TM4SF19: variants seen among roughly 807,000 people sequenced by gnomAD.
The protein encoded by TM4SF19 is transmembrane 4 L6 family member 19.
TM4SF19 carries 17 observed loss-of-function variants against 21.8 expected under a neutral mutation model. The ratio of observed to expected loss-of-function variants is 0.78; its 90% confidence interval spans 0.53 to 1.17. The LOEUF is 1.17. Among genes scored for constraint, TM4SF19 ranks in the 50% most tolerant of loss-of-function variants. The pLI is 0.00. For missense variants in TM4SF19, 216 were observed against 252.1 expected (o/e 0.86, Z 0.97); for synonymous variants, 107 against 106.7 (o/e 1.00, Z -0.02).
Position 196,323,879 on chromosome 3 carries a change from G to A in TM4SF19, c.568C>T (p.Leu190=). 1 of 1,614,150 alleles carries A rather than the reference G, an allele frequency of 6.2e-7. No homozygotes were observed. The highest frequency in any genetic ancestry group is 8.5e-7 in the Non-Finnish European group (1 of 1,180,038). The change falls in exon 5 of 5, where the codon CTG becomes TTG. Residue 190 remains leucine (L), a synonymous_variant. Coordinates refer to ENST00000273695, the MANE Select transcript of TM4SF19 (RefSeq NM_138461.4). ...CTGTTGATGACATGAACGACCACCAGGAGAAGCTGGAGCAGGCTGATGCAC... is the reference window on the plus strand; with the variant it reads ...CTGTTGATGACATGAACGACCACCAAGAGAAGCTGGAGCAGGCTGATGCAC... The part of the protein sequence containing the change: ...LLCISLLQLL[L]VVVHVINSLL...
chr3:196,324,276 A>G lies in TM4SF19; in HGVS notation c.444T>C (p.His148=), dbSNP rs769579874. The change falls in exon 4 of 5, where the codon CAT becomes CAC. Residue 148 remains histidine, a synonymous_variant. Transcript: ENST00000273695. ...CCAAGCCTCCACCCATTTACCTACT[A>G]TGCAGGTCTTTGAATGGGTAACCAT... ...WKYGYPFKDL[H]SRNYLYDRSL... The G allele has an allele frequency of 1.9e-6, 3 of 1,613,846 alleles. No homozygotes were observed. Among genetic ancestry groups the G allele is most frequent in the Non-Finnish European group, 2.5e-6 (3 of 1,179,800 alleles).
At chr3:196,328,027 C>A (rs1346184415) in intron 1 of TM4SF19, among the ~76,000 whole-genome samples, 3 of 152,214 alleles carry the variant, frequency 2.0e-5, no homozygotes, top group Non-Finnish European at 4.4e-5. Context: ...GTCGGCCAGG[C>A]ATGGTGGCTC....
intron 2 of TM4SF19, 108 bp downstream of exon 2, chr3:196,327,282 T>TA: frequency 1.8e-6 from 2 of 1,114,420 alleles, no homozygotes; most frequent in South Asian, 3.0e-5. Flanking sequence ...ATCAGCTTGT[T>TA]AGAATAAACT....
chr3:196,334,749 C>T (rs778359093), intron 1 of TM4SF19, among the ~76,000 whole-genome samples: 8 of 151,040 alleles, frequency 5.3e-5, no homozygotes, highest in Non-Finnish European at 1.2e-4. Context: ...CCACCAAACC[C>T]GGCCAGACTG....
In TM4SF19 at chr3:196,329,869, G is replaced by A. The variant is rs550014561; in HGVS notation, c.-1-2278C>T. Among the ~76,000 whole-genome samples the A allele has an allele frequency of 2.0e-4, 23 of 117,790 alleles. 4 individuals are homozygous for A. The highest frequency in any genetic ancestry group is 6.3e-4 in the African/African-American group (22 of 35,148). 77.3% of individuals were successfully genotyped at this position (117,790 alleles called of 152,430 possible). A position where few individuals can be genotyped will look rare whatever the true frequency, so the allele number is the denominator to read the frequency against. ...CAGAGGTTTTCAGGTTTTGTTTTGT[G>A]TTGTTTTGTTTTTTTTTTTTGAGAC... On this transcript the variant is annotated intron_variant, in intron 1 of 4. Transcript: ENST00000273695.
intron 1 of TM4SF19, among the ~76,000 whole-genome samples, chr3:196,336,450 A>C (rs1234536181): frequency 1.3e-5 from 2 of 152,184 alleles, no homozygotes; most frequent in African/African-American, 4.8e-5. Flanking sequence ...GAAAACTCTT[A>C]AAGGGGAAAC....
chr3:196,333,357 T>A (rs1392525770), intron 1 of TM4SF19, among the ~76,000 whole-genome samples: 1 of 152,186 alleles, frequency 6.6e-6, no homozygotes, highest in Non-Finnish European at 1.5e-5. Flanking sequence ...GTAATAAAGT[T>A]TAATTTATAA....
At chr3:196,337,490 G>C (rs1182421053) in intron 1 of TM4SF19, among the ~76,000 whole-genome samples, 1 of 152,152 alleles carries the variant, frequency 6.6e-6, no homozygotes, top group Non-Finnish European at 1.5e-5. Context: ...CAGCTTCCTG[G>C]TAAGAGCTCA....
chr3:196,333,048 A>T lies in TM4SF19; in HGVS notation c.-2+5216T>A, dbSNP rs180729178. ...AGTTCTATAGAGACAGGGTCTCACT[A>T]TGTTGCCCAAGCTGATCTCAAACTC... On this transcript the variant is annotated intron_variant, in intron 1 of 4. Transcript: ENST00000273695. 8.1e-4 allele frequency among the ~76,000 whole-genome samples: 124 copies of T among 152,166 alleles called. 1 individual carries two copies. Among genetic ancestry groups the T allele is most frequent in the African/African-American group, 2.9e-3 (119 of 41,528 alleles).
rs1278888060 is a variant in TM4SF19 at position 196,324,348 on chromosome 3, A to G, written c.372T>C (p.Phe124=). The G allele has an allele frequency of 6.2e-7, 1 of 1,614,212 alleles. No individual in the cohort carries two copies. ...TGAAGGATGAAACATCAAACATGCAAAAAGGACCATCTTTCAGAGCAACTC... is the reference window on the plus strand; with the variant it reads ...TGAAGGATGAAACATCAAACATGCAGAAAGGACCATCTTTCAGAGCAACTC... ...TSGVALKDGP[F]CMFDVSSFNQ... is the part of the protein sequence containing the mutation. The change falls in exon 4 of 5, where the codon TTT becomes TTC. Residue 124 remains phenylalanine (F), a synonymous_variant. Transcript: ENST00000273695.
Position 196,329,552 on chromosome 3 carries a change from CA to C in TM4SF19, c.-1-1962del, listed in dbSNP as rs1188981805. On this transcript the variant is annotated intron_variant, in intron 1 of 4. Coordinates refer to ENST00000273695, the MANE Select transcript of TM4SF19 (RefSeq NM_138461.4). The stretch of plus-strand genomic sequence containing the variant: ...TCAGCTGGGTGCTTGCCTATAATCC[CA>C]GCTACTCGGAGGTTGAGGCAGGAAA... 1.6e-5 allele frequency among the ~76,000 whole-genome samples: 2 copies of C among 123,276 alleles called. 1 individual carries two copies. Among genetic ancestry groups the C allele is most frequent in the African/African-American group, 5.4e-5 (2 of 36,882 alleles). 80.9% of individuals were successfully genotyped at this position (123,276 alleles called of 152,430 possible). A position where few individuals can be genotyped will look rare whatever the true frequency, so the allele number is the denominator to read the frequency against.
intron 1 of TM4SF19, among the ~76,000 whole-genome samples, chr3:196,334,373 T>A (rs1460924028): frequency 6.7e-6 from 1 of 149,978 alleles, no homozygotes; most frequent in Admixed American, 6.6e-5. Context: ...AGCTTTTCTT[T>A]TCTTTTTCTT....
Position 196,324,339 on chromosome 3 carries a change from A to G in TM4SF19, c.381T>C (p.Phe127=). 8 of 1,614,244 alleles carry G rather than the reference A, an allele frequency of 5.0e-6. No individual in the cohort carries two copies. Among genetic ancestry groups the G allele is most frequent in the Non-Finnish European group, 6.8e-6 (8 of 1,180,050 alleles). ...GTGTCTGATTGAAGGATGAAACATC[A>G]AACATGCAAAAAGGACCATCTTTCA... is the stretch of plus-strand genomic sequence containing the variant. ...VALKDGPFCM[F]DVSSFNQTQA... The change falls in exon 4 of 5, where the codon TTT becomes TTC. Residue 127 remains phenylalanine (F), a synonymous_variant. Transcript: ENST00000273695.
intron 2 of TM4SF19, 114 bp downstream of exon 2, chr3:196,327,276 G>C (rs957478791): frequency 9.4e-7 from 1 of 1,065,502 alleles, no homozygotes; most frequent in East Asian, 2.6e-5. Context: ...CCCAAGATCA[G>C]CTTGTTAGAA....
At chr3:196,338,093 G>A (rs987718673) in intron 1 of TM4SF19, among the ~76,000 whole-genome samples, 171 bp downstream of exon 1, 1 of 152,198 alleles carries the variant, frequency 6.6e-6, no homozygotes, top group Non-Finnish European at 1.5e-5. Context: ...TATTCTAGGT[G>A]CAAAGGCCAG....
rs913470613 is a variant in TM4SF19 at position 196,325,169 on chromosome 3, G to GTTCC, written c.280-733_280-730dup. On this transcript the variant is annotated intron_variant, in intron 3 of 4. Transcript: ENST00000273695. The surrounding 1 kb of genome is among the most constrained non-coding windows in gnomAD (Gnocchi z 4.3). The stretch of plus-strand genomic sequence containing the variant: ...CTGCTTCTACATTGGCTTCTTTCTC[G>GTTCC]TTCCTTCCTTCCTTCCCTTCCTTCC... 3.9e-5 allele frequency: 6 copies of GTTCC among 151,992 alleles called. No individual in the cohort carries two copies. Among genetic ancestry groups the GTTCC allele is most frequent in the African/African-American group, 1.4e-4 (6 of 41,406 alleles). 9.4% of individuals were successfully genotyped at this position (151,992 alleles called of 1,614,324 possible).
At chr3:196,324,572 C>A (rs1727210730) in intron 3 of TM4SF19, 132 bp from the exon 4 acceptor site, 1 of 816,388 alleles carries the variant, frequency 1.2e-6, no homozygotes, top group Non-Finnish European at 1.9e-6. Flanking sequence ...GGTCTGACTT[C>A]TCTGGTCTCA....
At chr3:196,331,396 G>A (rs1727500630) in intron 1 of TM4SF19, among the ~76,000 whole-genome samples, 1 of 151,508 alleles carries the variant, frequency 6.6e-6, no homozygotes, top group Non-Finnish European at 1.5e-5. Context: ...CCAGGAAGTG[G>A]CCTGTTCCCA....
Position 196,324,369 on chromosome 3 carries a change from A to C in TM4SF19, c.351T>G (p.Val117=). The C allele has an allele frequency of 6.2e-7, 1 of 1,614,202 alleles. No homozygotes were observed. The highest frequency in any genetic ancestry group is 8.5e-7 in the Non-Finnish European group (1 of 1,180,046). The change falls in exon 4 of 5, where the codon GTT becomes GTG. Residue 117 remains valine, a synonymous_variant. Coordinates refer to ENST00000273695, the MANE Select transcript of TM4SF19 (RefSeq NM_138461.4). ...GALICFVTSG[V]ALKDGPFCMF... ...TGCAAAAAGGACCATCTTTCAGAGC[A>C]ACTCCAGAAGTGACAAAGCAAATCA...
Sources: allele counts gnomAD v4.1 joint callset (sites outside exome capture counted in the v4.1 genomes callset), GRCh38; gene constraint gnomAD v4.1.1; non-coding constraint Gnocchi (gnomAD v3.1); transcripts MANE v1.5; gene names NCBI Gene and HGNC (gene_info 2026-07-23, HGNC 2026-07-21).